Variants in KDM2A observed in about 807,000 individuals in gnomAD.
The protein encoded by KDM2A is lysine-specific demethylase 2A.
In KDM2A, 3 loss-of-function variants were observed where a neutral mutation model predicts 137.3. The ratio of observed to expected loss-of-function variants is 0.02; its 90% CI spans 0.01 to 0.06. The LOEUF (loss-of-function observed/expected upper bound fraction) is 0.06, where lower values mean the gene tolerates loss of function less well. KDM2A is among the 10% of genes least tolerant of loss of function. KDM2A has a pLI of 1.00. For synonymous variants in KDM2A, 512 were observed against 541.5 expected (o/e 0.95, Z 0.76); for missense variants, 738 against 1,510.6 (o/e 0.49, Z 8.48).
chr11:67,203,751 C>G (rs944038540), intron 5 of KDM2A, among the ~76,000 whole-genome samples: 1 of 150,388 alleles, frequency 6.6e-6, no homozygotes, highest in Non-Finnish European at 1.5e-5. Context: ...GAGGCCCCAT[C>G]TCAAAAGGAA....
chr11:67,226,313 A>G (rs909905851), intron 10 of KDM2A, among the ~76,000 whole-genome samples: 1 of 152,172 alleles, frequency 6.6e-6, no homozygotes, highest in Non-Finnish European at 1.5e-5. Context: ...GATTCATTTG[A>G]TGGATCTGAT....
intron 5 of KDM2A, among the ~76,000 whole-genome samples, chr11:67,194,220 G>A (rs1015056209): frequency 6.6e-6 from 1 of 152,034 alleles, no homozygotes; most frequent in African/African-American, 2.4e-5. Flanking sequence ...TTCAATGACA[G>A]CAAATAAAAA....
chr11:67,175,477 A>G (rs1250549646), intron 2 of KDM2A, among the ~76,000 whole-genome samples: 1 of 152,212 alleles, frequency 6.6e-6, no homozygotes, highest in African/African-American at 2.4e-5. Flanking sequence ...ACTGTTGCCA[A>G]CTTTCCAGTT....
chr11:67,127,226 G>C (rs765338197), intron 2 of KDM2A, among the ~76,000 whole-genome samples: 9 of 152,102 alleles, frequency 5.9e-5, no homozygotes, highest in Non-Finnish European at 1.5e-5. Flanking sequence ...CATGTAGCTG[G>C]GACTACAGGC....
intron 9 of KDM2A, among the ~76,000 whole-genome samples, chr11:67,219,041 C>G (rs558767367): frequency 2.6e-5 from 4 of 152,190 alleles, no homozygotes; most frequent in African/African-American, 7.2e-5. Context: ...CTCCAGTAAA[C>G]GTTTATTATG....
intron 2 of KDM2A, among the ~76,000 whole-genome samples, chr11:67,139,163 T>C (rs1004948349): frequency 6.6e-6 from 1 of 151,610 alleles, no homozygotes; most frequent in Non-Finnish European, 1.5e-5. Flanking sequence ...CCCTTCCTGG[T>C]GACACCAGTT....
At chr11:67,128,965 C>G (rs1446963732) in intron 2 of KDM2A, among the ~76,000 whole-genome samples, 5 of 152,322 alleles carry the variant, frequency 3.3e-5, no homozygotes, top group African/African-American at 1.2e-4. Context: ...CACCTGTGGT[C>G]CCAGCTACCC....
chr11:67,157,842 G>C (rs540928513), intron 2 of KDM2A, among the ~76,000 whole-genome samples: 12 of 151,868 alleles, frequency 7.9e-5, no homozygotes, highest in Non-Finnish European at 1.5e-5. Context: ...GTGGGTACCT[G>C]TAGTCTCAGC....
chr11:67,209,416 A>G (rs1466261718), intron 6 of KDM2A, among the ~76,000 whole-genome samples: 3 of 150,710 alleles, frequency 2.0e-5, no homozygotes, highest in Non-Finnish European at 4.4e-5. Flanking sequence ...TTTTCTTAAT[A>G]TTTCTAGAAT....
At chr11:67,197,846 G>A (rs1857517886) in intron 5 of KDM2A, among the ~76,000 whole-genome samples, 1 of 152,120 alleles carries the variant, frequency 6.6e-6, no homozygotes, top group East Asian at 1.9e-4. Context: ...CCCCCAGCAA[G>A]TCAGAAATCT....
intron 10 of KDM2A, among the ~76,000 whole-genome samples, chr11:67,223,095 G>C (rs560239588): frequency 1.3e-5 from 2 of 151,872 alleles, no homozygotes; most frequent in African/African-American, 2.4e-5. Context: ...AGGAGGCTGA[G>C]GCAGGAAAAT....
At chr11:67,200,075 G>A (rs1425370741) in intron 5 of KDM2A, among the ~76,000 whole-genome samples, 14 of 152,156 alleles carry the variant, frequency 9.2e-5, no homozygotes, top group Admixed American at 9.2e-4. Flanking sequence ...TTACAGCATG[G>A]TTTACTGAAT....
intron 5 of KDM2A, among the ~76,000 whole-genome samples, chr11:67,184,002 G>T (rs577177926): frequency 6.6e-6 from 1 of 151,628 alleles, no homozygotes; most frequent in East Asian, 1.9e-4. Flanking sequence ...CCAGCTACGT[G>T]GGGGGCAATT....
At chr11:67,217,632 T>C (rs1321888802) in intron 8 of KDM2A, 99 bp from the exon 9 acceptor site, 7 of 1,233,056 alleles carry the variant, frequency 5.7e-6, no homozygotes, top group Non-Finnish European at 8.1e-6. Context: ...TTGCCTTTCT[T>C]CTACCTGGTG....
Position 67,120,024 on chromosome 11 carries a change from A to G in KDM2A, c.-109A>G, listed in dbSNP as rs547107231. 108 of 152,500 alleles carry G rather than the reference A, an allele frequency of 7.1e-4. No individual in the cohort carries two copies. Among genetic ancestry groups the G allele is most frequent in the Non-Finnish European group, 9.4e-4 (64 of 68,180 alleles). 9.4% of individuals were successfully genotyped at this position (152,500 alleles called of 1,614,324 possible). ...TTGGAATCTTTTACTTCTCACTTGGACAAGAACTCAAGAGCAGAATCTCCG... is the reference window on the plus strand; with the variant it reads ...TTGGAATCTTTTACTTCTCACTTGGGCAAGAACTCAAGAGCAGAATCTCCG... On this transcript the variant is annotated 5_prime_UTR_variant, in exon 1 of 21. Transcript: ENST00000529006.
intron 2 of KDM2A, among the ~76,000 whole-genome samples, chr11:67,166,706 T>C (rs1856755404): frequency 6.6e-6 from 1 of 151,618 alleles, no homozygotes; most frequent in South Asian, 2.1e-4. Flanking sequence ...AAGTTTGGCA[T>C]CAATATGGTG....
intron 2 of KDM2A, chr11:67,131,875 T>C (rs1327805665): frequency 6.6e-6 from 1 of 152,208 alleles, no homozygotes; most frequent in Non-Finnish European, 1.5e-5. Context: ...AACGGCAGTA[T>C]TGTGCAGTTT....
intron 6 of KDM2A, among the ~76,000 whole-genome samples, chr11:67,214,551 C>T (rs975160750): frequency 6.6e-6 from 1 of 152,116 alleles, no homozygotes; most frequent in Admixed American, 6.6e-5. Flanking sequence ...GTTGGTCAGG[C>T]TGGTCTTGAA....
At chr11:67,183,634 A>G (rs1857137479) in intron 5 of KDM2A, among the ~76,000 whole-genome samples, 1 of 152,186 alleles carries the variant, frequency 6.6e-6, no homozygotes. Flanking sequence ...TAGCACAGTA[A>G]CAGCTGCTCC....
Sources: allele counts gnomAD v4.1 joint callset (sites outside exome capture counted in the v4.1 genomes callset), GRCh38; gene constraint gnomAD v4.1.1; transcripts MANE v1.5; gene names NCBI Gene and HGNC (gene_info 2026-07-23, HGNC 2026-07-21).